The following DRC9 variants were observed in gnomAD, a reference collection of about 807,000 sequenced individuals.
The protein encoded by DRC9 is dynein regulatory complex protein 9.
chr3:197,890,370 A>G, the DRC9 span, among the ~76,000 whole-genome samples: 1 of 151,506 alleles, frequency 6.6e-6, no homozygotes, highest in African/African-American at 2.4e-5. Flanking sequence ...GCGCCACTGC[A>G]CTCCAGCCTG....
At chr3:197,902,686 A>G in the DRC9 span, among the ~76,000 whole-genome samples, 1 of 152,114 alleles carries the variant, frequency 6.6e-6, no homozygotes, top group African/African-American at 2.4e-5. Flanking sequence ...AGAAAAAAGG[A>G]TAAAAGAAAT....
At chr3:197,928,735 A>G in the DRC9 span, among the ~76,000 whole-genome samples, 4 of 152,248 alleles carry the variant, frequency 2.6e-5, no homozygotes, top group Admixed American at 2.0e-4. Flanking sequence ...GATTGGGAGA[A>G]GAAATGATGC....
chr3:197,904,071 C>CATAT, the DRC9 span, among the ~76,000 whole-genome samples: 9 of 45,972 alleles, frequency 2.0e-4, no homozygotes, highest in Admixed American at 7.3e-4. Flanking sequence ...TATATACATA[C>CATAT]ATATATATAT....
chr3:197,953,851 T>C, the DRC9 span: 2 of 737,106 alleles, frequency 2.7e-6, no homozygotes, highest in Non-Finnish European at 4.9e-6. Context: ...ACTCGATAAG[T>C]ATCTGTTGAA....
At chr3:197,959,340 T>C in the DRC9 span, 2 of 152,242 alleles carry the variant, frequency 1.3e-5, no homozygotes, top group African/African-American at 2.4e-5. Context: ...GTTTCCTAAG[T>C]TACAAATGTG....
At chr3:197,921,355 G>A in the DRC9 span, among the ~76,000 whole-genome samples, 2 of 87,168 alleles carry the variant, frequency 2.3e-5, no homozygotes, top group Admixed American at 1.1e-4. Context: ...CCCGACTACT[G>A]GTTTTCAGTA....
the DRC9 span, among the ~76,000 whole-genome samples, chr3:197,926,763 C>T: frequency 6.6e-6 from 1 of 152,136 alleles, no homozygotes; most frequent in Non-Finnish European, 1.5e-5. Context: ...GACTTTGGCT[C>T]AAGGACTCTT....
At chr3:197,938,705 T>A in the DRC9 span, 1 of 1,614,164 alleles carries the variant, frequency 6.2e-7, no homozygotes, top group Non-Finnish European at 8.5e-7. Flanking sequence ...ATTAACGGAC[T>A]GGGTATTTTT....
At chr3:197,954,975 CAG>C in the DRC9 span, among the ~76,000 whole-genome samples, 1 of 152,184 alleles carries the variant, frequency 6.6e-6, no homozygotes, top group East Asian at 1.9e-4. Flanking sequence ...ATGAAGAAAA[CAG>C]ACTCTCATGT....
the DRC9 span, among the ~76,000 whole-genome samples, chr3:197,915,725 G>T: frequency 6.6e-6 from 1 of 151,966 alleles, no homozygotes; most frequent in African/African-American, 2.4e-5. Context: ...CACCTCCCAG[G>T]TTCAAGTGAT....
the DRC9 span, among the ~76,000 whole-genome samples, chr3:197,923,200 C>T: frequency 0.046 from 7,003 of 152,202 alleles, 279 homozygotes; most frequent in African/African-American, 0.1. Flanking sequence ...CTCACTGCAG[C>T]CTCAACCTCC....
chr3:197,892,903 G>C, the DRC9 span: 3 of 1,037,264 alleles, frequency 2.9e-6, no homozygotes, highest in Admixed American at 2.3e-5. Flanking sequence ...CCTGGGTGGA[G>C]AGTTGGATTT....
chr3:197,899,019 T>C, the DRC9 span, among the ~76,000 whole-genome samples: 1 of 152,198 alleles, frequency 6.6e-6, no homozygotes, highest in Admixed American at 6.5e-5. Flanking sequence ...CTATAGGGCA[T>C]AGCTTTATGC....
chr3:197,947,123 C>T, the DRC9 span, among the ~76,000 whole-genome samples: 4 of 152,194 alleles, frequency 2.6e-5, no homozygotes, highest in Non-Finnish European at 5.9e-5. Flanking sequence ...ATTTTACTTT[C>T]TATTTCCATA....
At chr3:197,953,186 C>T in the DRC9 span, among the ~76,000 whole-genome samples, 629 of 152,330 alleles carry the variant, frequency 4.1e-3, 7 homozygotes, top group African/African-American at 0.014. Context: ...TTAATCATTG[C>T]CCCACCTTTT....
chr3:197,910,374 G>A, the DRC9 span, among the ~76,000 whole-genome samples: 1 of 152,136 alleles, frequency 6.6e-6, no homozygotes, highest in Non-Finnish European at 1.5e-5. Context: ...GGAAACTCTG[G>A]CGTCATCCCT....
At chr3:197,914,096 G>A in the DRC9 span, 2 of 1,475,690 alleles carry the variant, frequency 1.4e-6, no homozygotes, top group Non-Finnish European at 9.5e-7. Flanking sequence ...CCTCCATTCA[G>A]TTCAGTCAGC....
chr3:197,937,848 G>A, the DRC9 span, among the ~76,000 whole-genome samples: 1 of 152,104 alleles, frequency 6.6e-6, no homozygotes, highest in Admixed American at 6.6e-5. Flanking sequence ...CTCACTGGAA[G>A]CCAGAAGCTT....
the DRC9 span, among the ~76,000 whole-genome samples, chr3:197,942,646 G>A: frequency 1.0e-3 from 152 of 151,984 alleles, no homozygotes; most frequent in Non-Finnish European, 1.9e-3. Flanking sequence ...GGCTGGGTGT[G>A]GTGGCTCACG....
Sources: allele counts gnomAD v4.1 joint callset (sites outside exome capture counted in the v4.1 genomes callset), GRCh38; gene constraint gnomAD v4.1.1; transcripts MANE v1.5; gene names NCBI Gene and HGNC (gene_info 2026-07-23, HGNC 2026-07-21).